Variants in SDK2 observed in about 807,000 individuals in gnomAD.
The protein encoded by SDK2 is protein sidekick-2.
SDK2 carries 105 observed loss-of-function variants against 253.9 expected under a neutral mutation model. The ratio of observed to expected loss-of-function variants is 0.41; its 90% CI spans 0.35 to 0.49. The LOEUF is 0.49. SDK2 is among the 20% of genes least tolerant of loss of function. The probability of loss-of-function intolerance (pLI) is 0.06; values close to 1 mark genes in which losing one functional copy is unlikely to be tolerated. For missense variants in SDK2, 2,608 were observed against 3,003.0 expected, an observed-to-expected ratio of 0.87 and a Z score of 3.07; for synonymous variants, 1,249 against 1,234.9, an observed-to-expected ratio of 1.01 and a Z score of -0.24.
intron 2 of SDK2, among the ~76,000 whole-genome samples, chr17:73,483,324 T>C (rs1214553377): frequency 1.4e-5 from 2 of 145,746 alleles, no homozygotes; most frequent in African/African-American, 5.1e-5. Flanking sequence ...TTTTTTTTTT[T>C]TTTTTTGAGA....
intron 5 of SDK2, among the ~76,000 whole-genome samples, chr17:73,444,935 A>G (rs2063442402): frequency 1.3e-5 from 2 of 152,228 alleles, no homozygotes; most frequent in Admixed American, 6.5e-5. Context: ...AGCTCCTGCA[A>G]TGTGGCTGGT....
rs897957040 is a variant in SDK2, at chr17:73,412,846, AG to A, written c.2484+1797del. On this transcript the variant is annotated intron_variant, in intron 18 of 44. Transcript: ENST00000392650. ...GGCAAGAGAATTGCTTGAACATGGG[AG>A]GTGGAGGTTGCAGTGAGCCAAGATC... 2.0e-4 allele frequency among the ~76,000 whole-genome samples: 30 copies of A among 152,218 alleles called. No homozygotes were observed. The East Asian group carries it at 5.6e-3, about 28-fold the overall frequency.
chr17:73,502,944 C>T (rs1252284874), intron 2 of SDK2, among the ~76,000 whole-genome samples: 1 of 152,198 alleles, frequency 6.6e-6, no homozygotes, highest in Non-Finnish European at 1.5e-5. Context: ...GGCAAATTGT[C>T]ATCAGGCACC....
chr17:73,339,989 G>A (rs1403639624), intron 44 of SDK2, among the ~76,000 whole-genome samples: 2 of 152,208 alleles, frequency 1.3e-5, no homozygotes, highest in Admixed American at 6.5e-5. Flanking sequence ...TCCTGCCTCA[G>A]CTTCTGGAGT....
At position 73,496,976 on chromosome 17, in the gene SDK2, A is replaced by G. The variant is rs1475665996; in HGVS notation, c.224+10462T>C. Among the ~76,000 whole-genome samples, 1 of 152,174 alleles carries G rather than the reference A, an allele frequency of 6.6e-6. No homozygotes were observed. The highest frequency in any genetic ancestry group is 1.5e-5 in the Non-Finnish European group (1 of 68,032). The stretch of plus-strand genomic sequence containing the variant: ...CAGTGGTGTGATCTTGGCTCACTGT[A>G]AACTCTGCCTCCCAGGTTCAAGTAA... On this transcript the variant is annotated intron_variant, in intron 2 of 44. Coordinates refer to ENST00000392650, the MANE Select transcript of SDK2 (RefSeq NM_001144952.2). This position sits in a 1 kb window ranked among gnomAD's most constrained non-coding sequence, Gnocchi z 4.7.
chr17:73,339,121 G>A (rs3816995), intron 44 of SDK2, among the ~76,000 whole-genome samples, 181 bp from the exon 45 acceptor site: 60,735 of 152,004 alleles, frequency 0.4, 12,782 homozygotes, highest in Admixed American at 0.5. Context: ...GTGCCCGCCT[G>A]CTGCTTCCTT....
chr17:73,336,684 T>A lies in SDK2; in HGVS notation c.*1903A>T, dbSNP rs1356965507. 1 of 152,820 alleles carries A rather than the reference T, an allele frequency of 6.5e-6. No individual in the cohort carries two copies. Among genetic ancestry groups the A allele is most frequent in the African/African-American group, 2.4e-5 (1 of 41,468 alleles). The allele number at this position is 152,820 out of a possible 1,614,324, so 9.5% of individuals were successfully genotyped here. ...GTCCAGGCTCTCTCTTACCTTGGCA[T>A]GTTTCCCAAATCTCCTACTTGGGCT... On this transcript the variant is annotated 3_prime_UTR_variant, in exon 45 of 45. Coordinates refer to ENST00000392650, the MANE Select transcript of SDK2 (RefSeq NM_001144952.2).
In SDK2 at chr17:73,361,575, C is replaced by T. The variant is rs993408947; in HGVS notation, c.5467+109G>A. 8.9e-7 allele frequency: 1 copy of T among 1,117,716 alleles called. No individual in the cohort carries two copies. Among genetic ancestry groups the T allele is most frequent in the South Asian group, 1.6e-5 (1 of 63,572 alleles). The allele number at this position is 1,117,716 out of a possible 1,614,324, so 69.2% of individuals were successfully genotyped here. A position where few individuals can be genotyped will look rare whatever the true frequency, so the allele number is the denominator to read the frequency against. ...ACCAGGGGAAAGAGTGAGCTCTGTCCTCCACTCTGTTTCCAGGGTCCAGCA... is the reference window on the plus strand; with the variant it reads ...ACCAGGGGAAAGAGTGAGCTCTGTCTTCCACTCTGTTTCCAGGGTCCAGCA... On this transcript the variant is annotated intron_variant, in intron 39 of 44. Coordinates refer to ENST00000392650, the MANE Select transcript of SDK2 (RefSeq NM_001144952.2). The surrounding 1 kb of genome is among the most constrained non-coding windows in gnomAD (Gnocchi z 4.1).
intron 1 of SDK2, among the ~76,000 whole-genome samples, chr17:73,593,462 G>A (rs1315404662): frequency 6.6e-6 from 1 of 152,206 alleles, no homozygotes; most frequent in Non-Finnish European, 1.5e-5. Flanking sequence ...GAGACCATGA[G>A]GCATGCGCTC....
chr17:73,388,680 T>C (rs2062894863), intron 29 of SDK2, among the ~76,000 whole-genome samples: 2 of 152,168 alleles, frequency 1.3e-5, no homozygotes, highest in African/African-American at 2.4e-5. Flanking sequence ...AAGTCCCCAG[T>C]TGAGAAGCAC....
chr17:73,419,211 G>A lies in SDK2; in HGVS notation c.2141C>T (p.Pro714Leu), dbSNP rs2063207567. The change falls in exon 16 of 45, where the codon CCT becomes CTT. Residue 714 changes from proline to leucine, a missense_variant. This residue lies in a region of SDK2 where 1,505 missense variants were observed against 1,859.1 expected (regional missense o/e 0.81). Coordinates refer to ENST00000392650, the MANE Select transcript of SDK2 (RefSeq NM_001144952.2). ...AATTCCATTCTGGTGGCTCTCAGGAGGCGGCTGCCACTGGATCATGATGGA... is the reference window on the plus strand; with the variant it reads ...AATTCCATTCTGGTGGCTCTCAGGAAGCGGCTGCCACTGGATCATGATGGA... ...NQSIMIQWQP[P>L]PESHQNGILK... The A allele has an allele frequency of 1.9e-6, 3 of 1,612,244 alleles. No homozygotes were observed. The highest frequency in any genetic ancestry group is 8.5e-7 in the Non-Finnish European group (1 of 1,179,452).
At position 73,341,043 on chromosome 17, in the gene SDK2, C is replaced by G. The variant is rs1328904869; in HGVS notation, c.6166-2103G>C. Among the ~76,000 whole-genome samples the G allele has an allele frequency of 4.9e-5, 4 of 81,448 alleles. No individual in the cohort carries two copies. The East Asian group carries it at 1.3e-3, about 27-fold the overall frequency. The allele number at this position is 81,448 out of a possible 152,430, so 53.4% of individuals were successfully genotyped here. A position where few individuals can be genotyped will look rare whatever the true frequency, so the allele number is the denominator to read the frequency against. On this transcript the variant is annotated intron_variant, in intron 44 of 44. Transcript: ENST00000392650. ...ACAGGCGTGAGCCACCGCGGCTGGT[C>G]TGTTTTTTTTTTTTTTTTTTAAGAG...
rs759992478 is a variant in SDK2 at position 73,430,541 on chromosome 17, C to CCG, written c.1551_1552dup (p.Gly518AlafsTer3). 6.2e-7 allele frequency: 1 copy of CCG among 1,608,718 alleles called. No individual in the cohort carries two copies. On this transcript the variant is annotated frameshift_variant, in exon 12 of 45. Coordinates refer to ENST00000392650, the MANE Select transcript of SDK2 (RefSeq NM_001144952.2). LOFTEE classifies it high-confidence loss of function. Reference sequence around the variant, plus strand: ...GGTTACTCGGGGGTCGTGGGTCACTCCGCACACCATGGAGGCCTGGGTGCC... The same window carrying CCG: ...GGTTACTCGGGGGTCGTGGGTCACTCCGCGCACACCATGGAGGCCTGGGTGCC...
At position 73,496,610 on chromosome 17, in the gene SDK2, T is replaced by C. The variant is rs1255311979; in HGVS notation, c.224+10828A>G. 1.3e-5 allele frequency among the ~76,000 whole-genome samples: 2 copies of C among 152,270 alleles called. No homozygotes were observed. Among genetic ancestry groups the C allele is most frequent in the East Asian group, 3.9e-4 (2 of 5,176 alleles). On this transcript the variant is annotated intron_variant, in intron 2 of 44. Coordinates refer to ENST00000392650, the MANE Select transcript of SDK2 (RefSeq NM_001144952.2). This position sits in a 1 kb window ranked among gnomAD's most constrained non-coding sequence, Gnocchi z 4.7. ...CCCTCGACCAAAATCCTTTCGAGAC[T>C]GTCCACTGCCTGCTGGATATATCCG...
At position 73,420,879 on chromosome 17, in the gene SDK2, T is replaced by A. The variant is rs375077498; in HGVS notation, c.2045+1408A>T. On this transcript the variant is annotated intron_variant, in intron 15 of 44. Transcript: ENST00000392650. ...TTAGTAGAGATGGGGTTTCACCATG[T>A]TGGCCAGGCTGGTCTCGAACTCCTG... 5.3e-4 allele frequency among the ~76,000 whole-genome samples: 80 copies of A among 152,248 alleles called. 1 individual carries two copies. In the South Asian group the frequency reaches 0.016, roughly 30 times the overall value.
intron 1 of SDK2, among the ~76,000 whole-genome samples, chr17:73,640,094 C>T (rs1049952004): frequency 3.3e-5 from 5 of 152,194 alleles, no homozygotes; most frequent in South Asian, 4.1e-4. Context: ...GCCATTCAGG[C>T]GCTGTTTAAA....
At chr17:73,520,488 G>A (rs1599644233) in intron 1 of SDK2, 1 of 53,982 alleles carries the variant, frequency 1.9e-5, no homozygotes, top group Non-Finnish European at 3.4e-5. Flanking sequence ...TGGGAGTAGT[G>A]GGGGGGTGCA....
intron 1 of SDK2, chr17:73,520,740 C>T (rs2064072011): frequency 6.6e-6 from 1 of 152,368 alleles, no homozygotes; most frequent in Admixed American, 6.5e-5. Flanking sequence ...GAAGCAGAAG[C>T]TTCAGGCAGG....
chr17:73,350,735 C>G lies in SDK2; in HGVS notation c.5814G>C (p.Leu1938=), dbSNP rs1249416949. The G allele has an allele frequency of 1.2e-6, 2 of 1,613,482 alleles. No homozygotes were observed. Among genetic ancestry groups the G allele is most frequent in the Admixed American group, 3.3e-5 (2 of 59,944 alleles). Residue 1938 remains leucine, a synonymous_variant, in exon 42 of 45, where the codon CTG becomes CTC. Transcript: ENST00000392650. ...EEWWFLVVIA[L]VGLIFILLLV... ...GAAGCAGGATGAAGATGAGGCCGAC[C>G]AGGGCAATGACCACCAAGAACCACC... is the stretch of plus-strand genomic sequence containing the variant.
Sources: gnomAD v4.1 joint callset for allele counts (sites outside exome capture counted in the v4.1 genomes callset) on GRCh38, gnomAD v4.1.1 for gene constraint, gnomAD v4.1.1 regional missense constraint, Gnocchi (gnomAD v3.1) non-coding constraint, MANE v1.5 for transcripts, NCBI Gene and HGNC (gene_info 2026-07-23, HGNC 2026-07-21) for gene names.